RAB27B: variants seen among roughly 807,000 people sequenced by gnomAD.
The protein encoded by RAB27B is ras-related protein Rab-27B.
In RAB27B, 15 loss-of-function variants were observed where a neutral mutation model predicts 24.6. The ratio of observed to expected loss-of-function variants is 0.61; its 90% CI spans 0.41 to 0.94. RAB27B has a LOEUF of 0.94. Among genes scored for constraint, RAB27B ranks in the 40% least tolerant of loss-of-function variants. The pLI is 0.00. For synonymous variants in RAB27B, 105 were observed against 92.5 expected (o/e 1.14, Z -0.78); for missense variants, 261 against 266.8 (o/e 0.98, Z 0.15).
At chr18:54,766,428 T>C (rs893866993) in intron 2 of RAB27B, among the ~76,000 whole-genome samples, 3 of 152,158 alleles carry the variant, frequency 2.0e-5, no homozygotes, top group African/African-American at 7.2e-5. Context: ...TCGGTTGCCT[T>C]AAAATTTGAG....
At chr18:54,769,506 A>G (rs148907947) in intron 2 of RAB27B, among the ~76,000 whole-genome samples, 13 of 152,060 alleles carry the variant, frequency 8.5e-5, no homozygotes, top group Non-Finnish European at 1.6e-4. Flanking sequence ...ATCCTCTGCA[A>G]CAGTAATATT....
At chr18:54,760,933 GA>G (rs1409288044) in intron 2 of RAB27B, among the ~76,000 whole-genome samples, 1 of 151,500 alleles carries the variant, frequency 6.6e-6, no homozygotes, top group African/African-American at 2.4e-5. Flanking sequence ...TATATAGGAA[GA>G]GATCATTGTT....
intron 1 of RAB27B, among the ~76,000 whole-genome samples, chr18:54,864,309 A>G (rs1440759166): frequency 6.6e-6 from 1 of 152,130 alleles, no homozygotes; most frequent in Non-Finnish European, 1.5e-5. Context: ...CTTTGAGAAG[A>G]TATCTCTTCA....
intron 2 of RAB27B, among the ~76,000 whole-genome samples, chr18:54,789,690 C>A (rs1223500886): frequency 2.0e-5 from 3 of 151,916 alleles, no homozygotes; most frequent in African/African-American, 7.2e-5. Flanking sequence ...CTTTTTGTAA[C>A]TTTTACATAG....
Position 54,849,406 on chromosome 18 carries a change from C to A in RAB27B, c.-20+20706C>A, listed in dbSNP as rs942066744. Among the ~76,000 whole-genome samples the A allele has an allele frequency of 5.9e-5, 9 of 152,150 alleles. 1 individual carries two copies. The highest frequency in any genetic ancestry group is 1.2e-4 in the Non-Finnish European group (8 of 68,026). ...AAATCTTCTTTCCTCCCACTCTGCA[C>A]CAGCACCTGCACTATAAAGAAGGTA... On this transcript the variant is annotated intron_variant, in intron 1 of 5. Transcript: ENST00000262094.
At chr18:54,721,517 A>G (rs770418905) in intron 2 of RAB27B, among the ~76,000 whole-genome samples, 3 of 152,136 alleles carry the variant, frequency 2.0e-5, no homozygotes, top group Admixed American at 6.6e-5. Flanking sequence ...CACAGCAATT[A>G]ATGTCTTTGA....
At chr18:54,887,676 G>C (rs1246760185) in intron 4 of RAB27B, among the ~76,000 whole-genome samples, 1 of 151,980 alleles carries the variant, frequency 6.6e-6, no homozygotes, top group African/African-American at 2.4e-5. Flanking sequence ...GGATTAAAAA[G>C]ATCTTCCAAA....
chr18:54,842,997 C>T (rs1048065315), intron 1 of RAB27B, among the ~76,000 whole-genome samples: 4 of 152,064 alleles, frequency 2.6e-5, no homozygotes, highest in Non-Finnish European at 5.9e-5. Flanking sequence ...GGTGTTTCAC[C>T]GTGTTAGCCA....
chr18:54,794,507 T>C (rs1909352085), intron 2 of RAB27B, among the ~76,000 whole-genome samples: 1 of 152,190 alleles, frequency 6.6e-6, no homozygotes, highest in Non-Finnish European at 1.5e-5. Flanking sequence ...AGAAATGAAT[T>C]TCAGTTTTAC....
chr18:54,824,196 T>C (rs2871673), upstream of RAB27B, among the ~76,000 whole-genome samples: 2 of 152,200 alleles, frequency 1.3e-5, no homozygotes, highest in East Asian at 3.9e-4. Flanking sequence ...ATTTTTATTA[T>C]GTCCAGATCT....
At chr18:54,722,285 TG>T (rs1429750734) in intron 2 of RAB27B, among the ~76,000 whole-genome samples, 1 of 152,160 alleles carries the variant, frequency 6.6e-6, no homozygotes, top group Non-Finnish European at 1.5e-5. Flanking sequence ...AAGAAAGAAT[TG>T]TTTCCGAATC....
chr18:54,749,603 T>C (rs1216860183), intron 2 of RAB27B, among the ~76,000 whole-genome samples: 1 of 152,202 alleles, frequency 6.6e-6, no homozygotes, highest in African/African-American at 2.4e-5. Context: ...AGATTGTGTT[T>C]CACTTCCACC....
intron 2 of RAB27B, among the ~76,000 whole-genome samples, chr18:54,792,757 T>C (rs925872559): frequency 6.6e-6 from 1 of 152,268 alleles, no homozygotes; most frequent in Non-Finnish European, 1.5e-5. Context: ...ACTGGATTAC[T>C]GATGGAAGAA....
rs547700692 is a variant in RAB27B, at chr18:54,835,394, TA to T, written c.-20+6696del. 1.9e-3 allele frequency among the ~76,000 whole-genome samples: 296 copies of T among 152,090 alleles called. 1 individual carries two copies. Among genetic ancestry groups the T allele is most frequent in the Admixed American group, 3.3e-3 (50 of 15,278 alleles). Reference sequence around the variant, plus strand: ...GCGAACTAAAGATAGATATCACAGCTAACTGTATGGAAACTGTAATTCCCAG... The same window carrying T: ...GCGAACTAAAGATAGATATCACAGCTACTGTATGGAAACTGTAATTCCCAG... On this transcript the variant is annotated intron_variant, in intron 1 of 5. Transcript: ENST00000262094.
intron 2 of RAB27B, among the ~76,000 whole-genome samples, chr18:54,774,344 A>G (rs1369114979): frequency 6.6e-6 from 1 of 152,196 alleles, no homozygotes; most frequent in Non-Finnish European, 1.5e-5. Flanking sequence ...TTGATGTGTA[A>G]TCTCAATAAT....
At chr18:54,793,072 C>G (rs113077402) in intron 2 of RAB27B, among the ~76,000 whole-genome samples, 3,334 of 149,318 alleles carry the variant, frequency 0.022, 121 homozygotes, top group African/African-American at 0.077. Context: ...AGTTCAAACC[C>G]CTGTAGTATA....
At chr18:54,765,976 G>A (rs535470509) in intron 2 of RAB27B, among the ~76,000 whole-genome samples, 12 of 152,292 alleles carry the variant, frequency 7.9e-5, no homozygotes, top group African/African-American at 2.9e-4. Flanking sequence ...TTTGTTTACA[G>A]CAGGACATTA....
chr18:54,833,562 C>T (rs1910777512), intron 1 of RAB27B, among the ~76,000 whole-genome samples: 3 of 152,002 alleles, frequency 2.0e-5, no homozygotes, highest in Non-Finnish European at 4.4e-5. Flanking sequence ...AAGAAAATAG[C>T]CTTCAAAATG....
chr18:54,729,238 C>G (rs912377471), intron 2 of RAB27B, among the ~76,000 whole-genome samples: 2 of 151,974 alleles, frequency 1.3e-5, no homozygotes, highest in African/African-American at 4.8e-5. Context: ...AAAAGGGAAG[C>G]ATAAATACAA....
Sources: allele counts gnomAD v4.1 joint callset (sites outside exome capture counted in the v4.1 genomes callset), GRCh38; gene constraint gnomAD v4.1.1; transcripts MANE v1.5; gene names NCBI Gene and HGNC (gene_info 2026-07-23, HGNC 2026-07-21).